RASGEF1C: variants seen among roughly 807,000 people sequenced by gnomAD.
RASGEF1C encodes RasGEF domain family member 1C, also known as ras-GEF domain-containing family member 1C.
Under a neutral mutation model 58.1 loss-of-function variants are expected in RASGEF1C, and 27 were observed. The ratio of observed to expected loss-of-function variants is 0.46; its 90% CI spans 0.34 to 0.64. The LOEUF (loss-of-function observed/expected upper bound fraction) is 0.64. Among genes scored for constraint, RASGEF1C ranks in the 30% least tolerant of loss-of-function variants. RASGEF1C has a pLI of 0.01. For synonymous variants in RASGEF1C, 243 were observed against 246.3 expected, an observed-to-expected ratio of 0.99 and a Z score of 0.13; for missense variants, 502 against 605.1, an observed-to-expected ratio of 0.83 and a Z score of 1.79.
At chr5:180,174,903 C>T (rs62406137) in intron 1 of RASGEF1C, among the ~76,000 whole-genome samples, 3 of 152,072 alleles carry the variant, frequency 2.0e-5, no homozygotes, top group Admixed American at 6.5e-5. Context: ...CATGAGGTCA[C>T]GAGACTGTCC....
rs941126244 is a variant in RASGEF1C at position 180,156,120 on chromosome 5, C to T, written c.-6-18062G>A. Among the ~76,000 whole-genome samples the T allele has an allele frequency of 1.3e-5, 2 of 152,214 alleles. No homozygotes were observed. Among genetic ancestry groups the T allele is most frequent in the Non-Finnish European group, 2.9e-5 (2 of 68,046 alleles). The stretch of plus-strand genomic sequence containing the variant: ...ACTCCTCATCCCCCTAACCTCTAGA[C>T]AAGACCATGCTGACTTTTGTGCTAA... On this transcript the variant is annotated intron_variant, in intron 1 of 13. Coordinates refer to ENST00000361132, the MANE Select transcript of RASGEF1C (RefSeq NM_175062.4). The surrounding 1 kb of genome is among the most constrained non-coding windows in gnomAD (Gnocchi z 4.9).
intron 1 of RASGEF1C, among the ~76,000 whole-genome samples, chr5:180,144,095 C>G (rs1454004097): frequency 6.6e-6 from 1 of 152,190 alleles, no homozygotes; most frequent in South Asian, 2.1e-4. Flanking sequence ...GAGAAAGGAC[C>G]CCCAAGGCCA....
chr5:180,136,471 G>GA lies in RASGEF1C; in HGVS notation c.344_345insT (p.Glu116ArgfsTer20). 1 of 1,564,442 alleles carries GA rather than the reference G, an allele frequency of 6.4e-7. No homozygotes were observed. Among genetic ancestry groups the GA allele is most frequent in the Non-Finnish European group, 8.7e-7 (1 of 1,154,094 alleles). On this transcript the variant is annotated frameshift_variant, in exon 4 of 14. Transcript: ENST00000361132. LOFTEE classifies it high-confidence loss of function. ...CCCTTGGGAAGGTCTCGGTCCACTC[G>GA]GCCAACAGCTGCAGCAGTTTGGGGC...
chr5:180,124,061 C>G (rs1032209633), intron 6 of RASGEF1C, among the ~76,000 whole-genome samples: 1 of 150,498 alleles, frequency 6.6e-6, no homozygotes, highest in Non-Finnish European at 1.5e-5. Context: ...AACAACGAAA[C>G]AAACAAACAA....
At chr5:180,119,299 CG>C (rs1766126958) in intron 8 of RASGEF1C, 46 bp downstream of exon 8, 3 of 1,509,204 alleles carry the variant, frequency 2.0e-6, no homozygotes, top group Non-Finnish European at 2.8e-6. Flanking sequence ...TCCGGCCTCT[CG>C]GGGGACCCGT....
Position 180,143,331 on chromosome 5 carries a change from C to T in RASGEF1C, c.-6-5273G>A. ...GGGACAGCATGGCCCCAGCCCAACC[C>T]CTCTATGGGAGACGGGAAATGTGTG... is the stretch of plus-strand genomic sequence containing the variant. On this transcript the variant is annotated intron_variant, in intron 1 of 13. Transcript: ENST00000361132. The surrounding 1 kb of genome is among the most constrained non-coding windows in gnomAD (Gnocchi z 4.3). Among the ~76,000 whole-genome samples the T allele has an allele frequency of 6.6e-6, 1 of 152,210 alleles. No homozygotes were observed. The highest frequency in any genetic ancestry group is 1.9e-4 in the East Asian group (1 of 5,192).
chr5:180,112,613 G>A (rs1000350743), intron 11 of RASGEF1C, among the ~76,000 whole-genome samples: 2 of 152,224 alleles, frequency 1.3e-5, no homozygotes, highest in African/African-American at 2.4e-5. Context: ...TAAGGCCAAC[G>A]CTAGGGTGGG....
intron 10 of RASGEF1C, among the ~76,000 whole-genome samples, chr5:180,118,236 G>A (rs539439028): frequency 1.3e-5 from 2 of 152,284 alleles, no homozygotes; most frequent in East Asian, 3.9e-4. Context: ...GGAGGAGCCT[G>A]GAAACTGTAG....
Position 180,100,927 on chromosome 5 carries a change from A to G in RASGEF1C, c.*574T>C, listed in dbSNP as rs1456216606. The G allele has an allele frequency of 1.3e-5, 2 of 154,976 alleles. No homozygotes were observed. The highest frequency in any genetic ancestry group is 2.9e-5 in the Non-Finnish European group (2 of 69,440). 9.6% of individuals were successfully genotyped at this position (154,976 alleles called of 1,614,324 possible). On this transcript the variant is annotated 3_prime_UTR_variant, in exon 14 of 14. Coordinates refer to ENST00000361132, the MANE Select transcript of RASGEF1C (RefSeq NM_175062.4). ...GTTCCACAGCTGTCACCGGAAAGCT[A>G]TCTCCTGGGGCCAGCAGCATCCAGG... is the stretch of plus-strand genomic sequence containing the variant.
At position 180,156,320 on chromosome 5, in the gene RASGEF1C, C is replaced by G. The variant is rs1766846334; in HGVS notation, c.-6-18262G>C. Among the ~76,000 whole-genome samples, 1 of 152,154 alleles carries G rather than the reference C, an allele frequency of 6.6e-6. No homozygotes were observed. Among genetic ancestry groups the G allele is most frequent in the Non-Finnish European group, 1.5e-5 (1 of 68,032 alleles). On this transcript the variant is annotated intron_variant, in intron 1 of 13. Transcript: ENST00000361132. The surrounding 1 kb of genome is among the most constrained non-coding windows in gnomAD (Gnocchi z 4.9). ...TCAGTCTCCAGGCTGTGGTCTGATT[C>G]CCGCTTCTCTGGGAGCTGACAAGGC...
chr5:180,178,216 G>A (rs1182647472), intron 1 of RASGEF1C, among the ~76,000 whole-genome samples: 4 of 143,064 alleles, frequency 2.8e-5, no homozygotes, highest in African/African-American at 1.0e-4. Flanking sequence ...CTCGTGATCT[G>A]CTTGCCTCAG....
intron 6 of RASGEF1C, among the ~76,000 whole-genome samples, chr5:180,124,096 A>C (rs1011846828): frequency 2.6e-5 from 4 of 152,124 alleles, no homozygotes; most frequent in Non-Finnish European, 5.9e-5. Flanking sequence ...GAATCAGTAC[A>C]CGAAAGTCAT....
chr5:180,138,701 G>A lies in RASGEF1C; in HGVS notation c.-6-643C>T, dbSNP rs114876809. Among the ~76,000 whole-genome samples, 1,261 of 152,212 alleles carry A rather than the reference G, an allele frequency of 8.3e-3. 17 individuals carry two copies. The highest frequency in any genetic ancestry group is 0.029 in the African/African-American group (1,198 of 41,518). On this transcript the variant is annotated intron_variant, in intron 1 of 13. Coordinates refer to ENST00000361132, the MANE Select transcript of RASGEF1C (RefSeq NM_175062.4). Reference sequence around the variant, plus strand: ...TCAAAACTGCTGTCCTCCTTAACCTGGCATTCTGGGCTCTTTGTGATTTGG... The same window carrying A: ...TCAAAACTGCTGTCCTCCTTAACCTAGCATTCTGGGCTCTTTGTGATTTGG...
intron 1 of RASGEF1C, among the ~76,000 whole-genome samples, chr5:180,174,980 C>T (rs925649825): frequency 1.3e-5 from 2 of 152,152 alleles, no homozygotes; most frequent in African/African-American, 4.8e-5. Flanking sequence ...TTAGGGTTGC[C>T]AGGCACAGGG....
intron 1 of RASGEF1C, among the ~76,000 whole-genome samples, chr5:180,174,152 C>T (rs1345395598): frequency 2.0e-5 from 3 of 151,880 alleles, no homozygotes; most frequent in Non-Finnish European, 4.4e-5. Flanking sequence ...TGAGTGACTT[C>T]GGGCAGACTG....
intron 1 of RASGEF1C, among the ~76,000 whole-genome samples, chr5:180,195,079 T>A (rs1265393083): frequency 6.6e-6 from 1 of 152,226 alleles, no homozygotes; most frequent in Non-Finnish European, 1.5e-5. Flanking sequence ...AGCCTGGAGT[T>A]GCAGGGCCTC....
intron 8 of RASGEF1C, 79 bp from the exon 9 acceptor site, chr5:180,118,945 A>G (rs1032692301): frequency 2.2e-5 from 30 of 1,352,308 alleles, no homozygotes; most frequent in African/African-American, 7.2e-5. Context: ...CTTGGACTGC[A>G]CCCTGACCAG....
Position 180,137,337 on chromosome 5 carries a change from C to T in RASGEF1C, c.300+253G>A, listed in dbSNP as rs1425781920. Among the ~76,000 whole-genome samples the T allele has an allele frequency of 6.6e-6, 1 of 152,162 alleles. No individual in the cohort carries two copies. The highest frequency in any genetic ancestry group is 1.5e-5 in the Non-Finnish European group (1 of 68,018). On this transcript the variant is annotated intron_variant, in intron 3 of 13. Coordinates refer to ENST00000361132, the MANE Select transcript of RASGEF1C (RefSeq NM_175062.4). This position sits in a 1 kb window ranked among gnomAD's most constrained non-coding sequence, Gnocchi z 4.1. ...CCCGGCCACAGATGGGTCCTACTGA[C>T]CGGGCTCCGGATACTCAGGTCTGGG...
chr5:180,110,726 G>C (rs1356959540), intron 12 of RASGEF1C, among the ~76,000 whole-genome samples: 1 of 152,188 alleles, frequency 6.6e-6, no homozygotes, highest in Non-Finnish European at 1.5e-5. Context: ...GCCTCACCTC[G>C]TGCCTGTGTC....
Sources: allele counts gnomAD v4.1 joint callset (sites outside exome capture counted in the v4.1 genomes callset), GRCh38; gene constraint gnomAD v4.1.1; non-coding constraint Gnocchi (gnomAD v3.1); transcripts MANE v1.5; gene names NCBI Gene and HGNC (gene_info 2026-07-23, HGNC 2026-07-21).